Variants in ZC3H6 observed in about 807,000 individuals in gnomAD.
ZC3H6 encodes the protein zinc finger CCCH domain-containing protein 6.
Under a neutral mutation model 107.7 loss-of-function variants are expected in ZC3H6, and 40 were observed. That is an observed-to-expected ratio of 0.37 (90% CI 0.29 to 0.48). The LOEUF (loss-of-function observed/expected upper bound fraction) is 0.48. Ranked by LOEUF, ZC3H6 falls within the 20% of genes least tolerant of loss-of-function variation. The pLI is 0.98. For synonymous variants in ZC3H6, 493 were observed against 487.9 expected, an observed-to-expected ratio of 1.01 and a Z score of -0.14; for missense variants, 1,267 against 1,410.4, an observed-to-expected ratio of 0.90 and a Z score of 1.63.
intron 1 of ZC3H6, among the ~76,000 whole-genome samples, chr2:112,276,430 G>T (rs540548671): frequency 6.7e-6 from 1 of 150,072 alleles, no homozygotes; most frequent in African/African-American, 2.5e-5. Flanking sequence ...TTTGATATTT[G>T]ACTGCTTCCC....
chr2:112,332,561 C>T lies in ZC3H6; in HGVS notation c.*73C>T, dbSNP rs1301243145. On this transcript the variant is annotated 3_prime_UTR_variant, in exon 12 of 12. Transcript: ENST00000409871. Reference sequence around the variant, plus strand: ...CCTCTGCTGTTTTGTAACTGGTTTACCTCTATAGTTTATTTATTTTTAAAT... The same window carrying T: ...CCTCTGCTGTTTTGTAACTGGTTTATCTCTATAGTTTATTTATTTTTAAAT... 1.4e-6 allele frequency: 2 copies of T among 1,407,758 alleles called. No individual in the cohort carries two copies. Among genetic ancestry groups the T allele is most frequent in the East Asian group, 2.3e-5 (1 of 43,206 alleles). The allele number at this position is 1,407,758 out of a possible 1,614,324, so 87.2% of individuals were successfully genotyped here.
Position 112,331,401 on chromosome 2 carries a change from C to T in ZC3H6, c.2483C>T (p.Thr828Ile). ...HKRGDDDDED[T>I]ERELREKAFL... ...AGAGGCGATGATGATGATGAAGATA[C>T]AGAAAGAGAACTGAGAGAAAAAGCT... Residue 828 changes from threonine (T) to isoleucine (I), a missense_variant, in exon 12 of 12, where the codon ACA becomes ATA. Thr to Ile is a moderately conservative substitution (Grantham distance 89). Transcript: ENST00000409871. 6.2e-7 allele frequency: 1 copy of T among 1,613,566 alleles called. No homozygotes were observed. Among genetic ancestry groups the T allele is most frequent in the Non-Finnish European group, 8.5e-7 (1 of 1,179,808 alleles).
rs1175399193 is a variant in ZC3H6, at chr2:112,310,104, G to T, written c.556G>T (p.Gly186Trp). The T allele has an allele frequency of 6.2e-7, 1 of 1,613,308 alleles. No individual in the cohort carries two copies. Among genetic ancestry groups the T allele is most frequent in the East Asian group, 2.2e-5 (1 of 44,832 alleles). Reference protein sequence around the residue: ...QAKETSNIALGSSFSKESGKK... With the variant: ...QAKETSNIALWSSFSKESGKK... ...TAAAGAAACCTCAAATATTGCTTTA[G>T]GGTCATCATTTTCTAAAGAATCAGG... Residue 186 changes from glycine to tryptophan, a missense_variant, in exon 4 of 12, where the codon GGG becomes TGG. This residue lies in a region of ZC3H6 where 337 missense variants were observed against 361.2 expected (regional missense o/e 0.93). Coordinates refer to ENST00000409871, the MANE Select transcript of ZC3H6 (RefSeq NM_198581.3).
chr2:112,320,629 A>C (rs933350460), intron 7 of ZC3H6, among the ~76,000 whole-genome samples: 4 of 152,164 alleles, frequency 2.6e-5, no homozygotes, highest in Non-Finnish European at 5.9e-5. Flanking sequence ...AAGAAAAATA[A>C]ATTTTTTCAG....
chr2:112,311,255 C>T (rs1022364446), intron 4 of ZC3H6, among the ~76,000 whole-genome samples: 5 of 152,192 alleles, frequency 3.3e-5, no homozygotes, highest in African/African-American at 1.2e-4. Context: ...GTTCTTACCA[C>T]TGTATTCCAG....
At chr2:112,283,049 C>G (rs1447056085) in intron 1 of ZC3H6, among the ~76,000 whole-genome samples, 1 of 151,986 alleles carries the variant, frequency 6.6e-6, no homozygotes. Context: ...AAATTTAGTC[C>G]TATCTTTTGC....
intron 1 of ZC3H6, among the ~76,000 whole-genome samples, chr2:112,293,229 T>G (rs1306288533): frequency 6.6e-6 from 1 of 152,224 alleles, no homozygotes; most frequent in Non-Finnish European, 1.5e-5. Context: ...ATTGCCCATA[T>G]ATTTGTACTA....
intron 1 of ZC3H6, among the ~76,000 whole-genome samples, chr2:112,290,426 A>AC (rs1676089356): frequency 6.6e-6 from 1 of 152,266 alleles, no homozygotes; most frequent in South Asian, 2.1e-4. Context: ...CACTTCCCTG[A>AC]CGGATGACTT....
chr2:112,321,004 A>G lies in ZC3H6; in HGVS notation c.977-752A>G, dbSNP rs116733916. Among the ~76,000 whole-genome samples, 563 of 152,188 alleles carry G rather than the reference A, an allele frequency of 3.7e-3. 5 individuals carry two copies. Among genetic ancestry groups the G allele is most frequent in the African/African-American group, 0.012 (510 of 41,566 alleles). Reference sequence around the variant, plus strand: ...TCTAAAAAAGATTTTGAATTTTATCAGTTGCCTTTTGCATCTGCCAAAATG... The same window carrying G: ...TCTAAAAAAGATTTTGAATTTTATCGGTTGCCTTTTGCATCTGCCAAAATG... On this transcript the variant is annotated intron_variant, in intron 7 of 11. Transcript: ENST00000409871.
chr2:112,323,486 G>C (rs1480984210), intron 9 of ZC3H6, among the ~76,000 whole-genome samples: 1 of 152,164 alleles, frequency 6.6e-6, no homozygotes, highest in Admixed American at 6.5e-5. Flanking sequence ...ACCATTAAAA[G>C]TATTTCTACT....
At chr2:112,315,698 C>G (rs1028305867) in intron 5 of ZC3H6, among the ~76,000 whole-genome samples, 6 of 151,872 alleles carry the variant, frequency 4.0e-5, no homozygotes, top group African/African-American at 1.5e-4. Flanking sequence ...CAGGTTCAAG[C>G]GATTCTCGTG....
At chr2:112,299,781 C>T in intron 1 of ZC3H6, 68 bp from the exon 2 acceptor site, 2 of 1,215,164 alleles carry the variant, frequency 1.6e-6, no homozygotes, top group Non-Finnish European at 1.1e-6. Flanking sequence ...TGCTTTTTTT[C>T]TTTTGAAAAT....
intron 1 of ZC3H6, among the ~76,000 whole-genome samples, chr2:112,298,022 G>A (rs971272003): frequency 3.0e-4 from 46 of 152,264 alleles, no homozygotes; most frequent in Middle Eastern, 6.8e-3. Context: ...GCTGAGGCAC[G>A]AGAATCGCTT....
intron 2 of ZC3H6, among the ~76,000 whole-genome samples, chr2:112,300,298 C>G (rs1204164146): frequency 2.6e-5 from 4 of 151,842 alleles, no homozygotes; most frequent in South Asian, 4.2e-4. Flanking sequence ...GCCTTGATCT[C>G]CCAGGCTTAG....
intron 3 of ZC3H6, among the ~76,000 whole-genome samples, chr2:112,308,488 G>A (rs1017120859): frequency 2.0e-5 from 3 of 149,666 alleles, no homozygotes; most frequent in Admixed American, 6.6e-5. Context: ...GTGCAGTGGT[G>A]CGATCTTGGC....
At position 112,321,282 on chromosome 2, in the gene ZC3H6, A is replaced by T. The variant is rs1294264475; in HGVS notation, c.977-474A>T. Among the ~76,000 whole-genome samples, 7 of 152,072 alleles carry T rather than the reference A, an allele frequency of 4.6e-5. No homozygotes were observed. In the South Asian group the frequency reaches 6.2e-4, roughly 14 times the overall value. On this transcript the variant is annotated intron_variant, in intron 7 of 11. Transcript: ENST00000409871. ...TATAAATATAAGCTCTTGCTACAAAATTTATATAATATTTTATTTTATTGT... is the reference window on the plus strand; with the variant it reads ...TATAAATATAAGCTCTTGCTACAAATTTTATATAATATTTTATTTTATTGT...
chr2:112,306,354 G>C (rs1487955648), intron 3 of ZC3H6, among the ~76,000 whole-genome samples: 2 of 152,028 alleles, frequency 1.3e-5, no homozygotes, highest in African/African-American at 2.4e-5. Flanking sequence ...TGTATTTTTA[G>C]TAGAGACAGG....
At chr2:112,300,133 TTAGA>T in intron 2 of ZC3H6, 104 bp downstream of exon 2, 3 of 745,258 alleles carry the variant, frequency 4.0e-6, no homozygotes, top group Non-Finnish European at 3.9e-6. Context: ...AACATGTGGA[TTAGA>T]TATTTTCATT....
In ZC3H6 at chr2:112,339,821, TA is replaced by T. The variant is rs1677210180; in HGVS notation, c.*7334del. On this transcript the variant is annotated 3_prime_UTR_variant, in exon 12 of 12. Transcript: ENST00000409871. ...AAGGTTTTACTAGATATCAGTTTAG[TA>T]GATTAATGACGTTGTTAATCTGTCT... is the stretch of plus-strand genomic sequence containing the variant. The T allele has an allele frequency of 6.6e-6, 1 of 152,156 alleles. No individual in the cohort carries two copies. The highest frequency in any genetic ancestry group is 2.4e-5 in the African/African-American group (1 of 41,436). 9.4% of individuals were successfully genotyped at this position (152,156 alleles called of 1,614,324 possible).
Sources: gnomAD v4.1 joint callset for allele counts (sites outside exome capture counted in the v4.1 genomes callset) on GRCh38, gnomAD v4.1.1 for gene constraint, gnomAD v4.1.1 regional missense constraint, MANE v1.5 for transcripts, NCBI Gene and HGNC (gene_info 2026-07-23, HGNC 2026-07-21) for gene names.